The following EID3 variants were observed in gnomAD, a reference collection of about 807,000 sequenced individuals.
EID3 encodes the protein EP300-interacting inhibitor of differentiation 3.
EID3 carries 3 observed loss-of-function variants against 1.6 expected under a neutral mutation model. The observed-to-expected ratio is 1.87, with a 90% CI of 0.85 to 4.83. The LOEUF is 4.83. Ranked by LOEUF, EID3 falls within the 30% of genes most tolerant of loss-of-function variation. EID3 has a pLI of 0.02. For missense variants in EID3, 471 were observed against 409.9 expected (o/e 1.15, Z -1.29); for synonymous variants, 164 against 148.1 (o/e 1.11, Z -0.78).
rs1208196828 is a variant in EID3 at position 104,305,165 on chromosome 12, C to A, written c.*229C>A. 5 of 390,194 alleles carry A rather than the reference C, an allele frequency of 1.3e-5. No homozygotes were observed. Among genetic ancestry groups the A allele is most frequent in the African/African-American group, 8.4e-5 (4 of 47,706 alleles). 24.2% of individuals were successfully genotyped at this position (390,194 alleles called of 1,614,324 possible). A position where few individuals can be genotyped will look rare whatever the true frequency, so the allele number is the denominator to read the frequency against. The stretch of plus-strand genomic sequence containing the variant: ...ATTTATGGGAACGTTTTATTGAATG[C>A]CCTTTAAGACTATTAATAAAAACAA... On this transcript the variant is annotated 3_prime_UTR_variant, in exon 1 of 1. Transcript: ENST00000527879.
rs1393826556 is a variant in EID3 at position 104,304,494 on chromosome 12, A to C, written c.560A>C (p.Glu187Ala). 6.2e-7 allele frequency: 1 copy of C among 1,613,926 alleles called. No individual in the cohort carries two copies. Among genetic ancestry groups the C allele is most frequent in the Non-Finnish European group, 8.5e-7 (1 of 1,179,908 alleles). ...CGTTCTGCACCAAAGCCCCGACTTGAACACCAGAAAAAAGTTCGCAAGATG... is the reference window on the plus strand; with the variant it reads ...CGTTCTGCACCAAAGCCCCGACTTGCACACCAGAAAAAAGTTCGCAAGATG... ...LERSAPKPRLEHQKKVRKMEE... is the reference protein window; with the variant it reads ...LERSAPKPRLAHQKKVRKMEE... The change falls in exon 1 of 1, where the codon GAA becomes GCA. Residue 187 changes from glutamate (E) to alanine (A), a missense_variant. Physicochemically the swap from Glu to Ala is moderately radical, Grantham distance 107. Transcript: ENST00000527879.
Position 104,303,809 on chromosome 12 carries a change from C to G in EID3, c.-126C>G. 7.2e-7 allele frequency: 1 copy of G among 1,387,080 alleles called. No individual in the cohort carries two copies. The highest frequency in any genetic ancestry group is 2.6e-4 in the Middle Eastern group (1 of 3,806). 85.9% of individuals were successfully genotyped at this position (1,387,080 alleles called of 1,614,324 possible). ...TGGGAGGGCCGTTACCTCAGAGATACCCGTGGCCGGCATGTTGGTTGAAAA... is the reference window on the plus strand; with the variant it reads ...TGGGAGGGCCGTTACCTCAGAGATAGCCGTGGCCGGCATGTTGGTTGAAAA... On this transcript the variant is annotated 5_prime_UTR_variant, in exon 1 of 1. Transcript: ENST00000527879.
Position 104,304,351 on chromosome 12 carries a change from G to C in EID3, c.417G>C (p.Leu139Phe). ...GGATGGAAGGCGATCCTGACAAGTT[G>C]AGTGATTGTGATGATAGCATAGCTC... ...LNWMEGDPDK[L>F]SDCDDSIALS... is the part of the protein sequence containing the mutation. The change falls in exon 1 of 1, where the codon TTG becomes TTC. Residue 139 changes from leucine to phenylalanine, a missense_variant. By Grantham distance (22) the Leu-to-Phe change is conservative (BLOSUM62 0). Coordinates refer to ENST00000527879, the MANE Select transcript of EID3 (RefSeq NM_001008394.3). 6.2e-7 allele frequency: 1 copy of C among 1,614,052 alleles called. No homozygotes were observed. Among genetic ancestry groups the C allele is most frequent in the Non-Finnish European group, 8.5e-7 (1 of 1,179,904 alleles).
chr12:104,303,775 T>C lies in EID3; in HGVS notation c.-160T>C, dbSNP rs1670230806. On this transcript the variant is annotated 5_prime_UTR_variant, in exon 1 of 1. Transcript: ENST00000527879. ...TCCTCGGCTCTAACTGCCGCCACTT[T>C]CCACACGCTGGGAGGGCCGTTACCT... is the stretch of plus-strand genomic sequence containing the variant. 1 of 1,246,770 alleles carries C rather than the reference T, an allele frequency of 8.0e-7. No individual in the cohort carries two copies. The highest frequency in any genetic ancestry group is 1.6e-5 in the South Asian group (1 of 60,624). The allele number at this position is 1,246,770 out of a possible 1,614,324, so 77.2% of individuals were successfully genotyped here. A position where few individuals can be genotyped will look rare whatever the true frequency, so the allele number is the denominator to read the frequency against.
In EID3 at chr12:104,303,882, T is replaced by G; in HGVS notation, c.-53T>G. 1 of 1,504,716 alleles carries G rather than the reference T, an allele frequency of 6.6e-7. No homozygotes were observed. Among genetic ancestry groups the G allele is most frequent in the Non-Finnish European group, 8.8e-7 (1 of 1,134,204 alleles). The allele number at this position is 1,504,716 out of a possible 1,614,324, so 93.2% of individuals were successfully genotyped here. A position where few individuals can be genotyped will look rare whatever the true frequency, so the allele number is the denominator to read the frequency against. On this transcript the variant is annotated 5_prime_UTR_variant, in exon 1 of 1. Transcript: ENST00000527879. ...GAGAAAGGAGAGGAGCAGCTCGTGA[T>G]CATCCCCGGTAGCGAGTACGCGGCG...
chr12:104,303,751 C>A lies in EID3; in HGVS notation c.-184C>A. 4 of 1,029,906 alleles carry A rather than the reference C, an allele frequency of 3.9e-6. No individual in the cohort carries two copies. Among genetic ancestry groups the A allele is most frequent in the Non-Finnish European group, 4.0e-6 (3 of 749,240 alleles). 63.8% of individuals were successfully genotyped at this position (1,029,906 alleles called of 1,614,324 possible). On this transcript the variant is annotated 5_prime_UTR_variant, in exon 1 of 1. Transcript: ENST00000527879. ...GCCGCTAGTGCGCATGGGCGGGCGT[C>A]CTCGGCTCTAACTGCCGCCACTTTC... is the stretch of plus-strand genomic sequence containing the variant.
rs2034746356 is a variant in EID3 at position 104,303,764 on chromosome 12, T to A, written c.-171T>A. On this transcript the variant is annotated 5_prime_UTR_variant, in exon 1 of 1. Transcript: ENST00000527879. ...ATGGGCGGGCGTCCTCGGCTCTAAC[T>A]GCCGCCACTTTCCACACGCTGGGAG... The A allele has an allele frequency of 1.7e-6, 2 of 1,161,492 alleles. No individual in the cohort carries two copies. Among genetic ancestry groups the A allele is most frequent in the South Asian group, 1.7e-5 (1 of 58,844 alleles). 71.9% of individuals were successfully genotyped at this position (1,161,492 alleles called of 1,614,324 possible). A position where few individuals can be genotyped will look rare whatever the true frequency, so the allele number is the denominator to read the frequency against.
At position 104,304,632 on chromosome 12, in the gene EID3, G is replaced by T. The variant is rs770588903; in HGVS notation, c.698G>T (p.Arg233Leu). 4 of 1,613,698 alleles carry T rather than the reference G, an allele frequency of 2.5e-6. No individual in the cohort carries two copies. Among genetic ancestry groups the T allele is most frequent in the African/African-American group, 2.7e-5 (2 of 74,920 alleles). Residue 233 changes from arginine (R) to leucine (L), a missense_variant, in exon 1 of 1, where the codon CGA (arginine) becomes CTA (leucine). Physicochemically the swap from Arg to Leu is moderately radical, Grantham distance 102. Transcript: ENST00000527879. ...TTGGGATTGTTGCAAACCTACTTTCGAAAGTATCCTGATACTCCTGTGTCC... is the reference window on the plus strand; with the variant it reads ...TTGGGATTGTTGCAAACCTACTTTCTAAAGTATCCTGATACTCCTGTGTCC... ...RILGLLQTYFRKYPDTPVSYF... is the reference protein window; with the variant it reads ...RILGLLQTYFLKYPDTPVSYF...
rs769543323 is a variant in EID3, at chr12:104,304,470, G to T, written c.536G>T (p.Arg179Leu). The T allele has an allele frequency of 6.2e-7, 1 of 1,613,978 alleles. No individual in the cohort carries two copies. The highest frequency in any genetic ancestry group is 8.5e-7 in the Non-Finnish European group (1 of 1,179,896). ...GTTTTTGGTTCATTCAAGCTAGAAC[G>T]TTCTGCACCAAAGCCCCGACTTGAA... ...HFVFGSFKLE[R>L]SAPKPRLEHQ... is the part of the protein sequence containing the mutation. Residue 179 changes from arginine (R) to leucine (L), a missense_variant, in exon 1 of 1, where the codon CGT becomes CTT. By Grantham distance (102) the Arg-to-Leu change is moderately radical. Transcript: ENST00000527879.
chr12:104,304,032 A>T lies in EID3; in HGVS notation c.98A>T (p.Asp33Val). ...VDPKLLELTADEEKCRSIRRQ... is the reference protein window; with the variant it reads ...VDPKLLELTAVEEKCRSIRRQ... ...CCAAAGCTCCTGGAGCTCACCGCTG[A>T]CGAGGAGAAGTGCCGCAGCATCCGC... Residue 33 changes from aspartate to valine, a missense_variant, in exon 1 of 1, where the codon GAC becomes GTC. Physicochemically the swap from Asp to Val is radical, Grantham distance 152. Coordinates refer to ENST00000527879, the MANE Select transcript of EID3 (RefSeq NM_001008394.3). The T allele has an allele frequency of 6.2e-7, 1 of 1,613,248 alleles. No homozygotes were observed. Among genetic ancestry groups the T allele is most frequent in the Non-Finnish European group, 8.5e-7 (1 of 1,179,896 alleles).
rs745652267 is a variant in EID3, at chr12:104,304,739, G to T, written c.805G>T (p.Gly269Cys). The change falls in exon 1 of 1, where the codon GGT becomes TGT. Residue 269 changes from glycine to cysteine, a missense_variant. Gly to Cys is a radical substitution (Grantham distance 159). Coordinates refer to ENST00000527879, the MANE Select transcript of EID3 (RefSeq NM_001008394.3). The stretch of plus-strand genomic sequence containing the variant: ...TTATGTTTCTTTTATTGTAAGAGAT[G>T]GTTTTGCAAGAATAAGGCTTGATGA... ...IFYVSFIVRD[G>C]FARIRLDEDR... 1.9e-6 allele frequency: 3 copies of T among 1,613,758 alleles called. No homozygotes were observed. The highest frequency in any genetic ancestry group is 2.5e-6 in the Non-Finnish European group (3 of 1,179,812).
rs760610427 is a variant in EID3, at chr12:104,304,496, C to T, written c.562C>T (p.His188Tyr). The change falls in exon 1 of 1, where the codon CAC becomes TAC. Residue 188 changes from histidine to tyrosine, a missense_variant. His to Tyr is a moderately conservative substitution (Grantham distance 83, BLOSUM62 2). Coordinates refer to ENST00000527879, the MANE Select transcript of EID3 (RefSeq NM_001008394.3). ...TTCTGCACCAAAGCCCCGACTTGAA[C>T]ACCAGAAAAAAGTTCGCAAGATGGA... ...ERSAPKPRLE[H>Y]QKKVRKMEEN... 2.5e-6 allele frequency: 4 copies of T among 1,613,986 alleles called. No individual in the cohort carries two copies. The highest frequency in any genetic ancestry group is 2.2e-5 in the South Asian group (2 of 91,084).
In EID3 at chr12:104,304,611, G is replaced by A; in HGVS notation, c.677G>A (p.Gly226Glu). ...ATEKNVERIL[G>E]LLQTYFRKYP... ...GAAAAAAACGTAGAAAGGATTTTGG[G>A]ATTGTTGCAAACCTACTTTCGAAAG... Residue 226 changes from glycine (G) to glutamate (E), a missense_variant, in exon 1 of 1, where the codon GGA (glycine) becomes GAA (glutamate). Transcript: ENST00000527879. 6.2e-7 allele frequency: 1 copy of A among 1,613,892 alleles called. No individual in the cohort carries two copies. The highest frequency in any genetic ancestry group is 8.5e-7 in the Non-Finnish European group (1 of 1,179,792).
chr12:104,303,807 T>TA lies in EID3; in HGVS notation c.-127dup. 12 of 1,383,068 alleles carry TA rather than the reference T, an allele frequency of 8.7e-6. No homozygotes were observed. The highest frequency in any genetic ancestry group is 1.1e-5 in the Non-Finnish European group (12 of 1,052,932). The allele number at this position is 1,383,068 out of a possible 1,614,324, so 85.7% of individuals were successfully genotyped here. ...GCTGGGAGGGCCGTTACCTCAGAGATACCCGTGGCCGGCATGTTGGTTGAA... is the reference window on the plus strand; with the variant it reads ...GCTGGGAGGGCCGTTACCTCAGAGATAACCCGTGGCCGGCATGTTGGTTGAA... On this transcript the variant is annotated 5_prime_UTR_variant, in exon 1 of 1. Coordinates refer to ENST00000527879, the MANE Select transcript of EID3 (RefSeq NM_001008394.3).
Position 104,303,987 on chromosome 12 carries a change from C to G in EID3, c.53C>G (p.Ser18Cys). The G allele has an allele frequency of 6.2e-7, 1 of 1,608,514 alleles. No individual in the cohort carries two copies. The highest frequency in any genetic ancestry group is 8.5e-7 in the Non-Finnish European group (1 of 1,179,772). ...GCGGGCTGCTCCGACGACCTCAGCT[C>G]TGGGGAGGCCGACGTAGACCCAAAG... ...RAAGCSDDLS[S>C]GEADVDPKLL... The change falls in exon 1 of 1, where the codon TCT becomes TGT. Residue 18 changes from serine (S) to cysteine (C), a missense_variant. Ser to Cys is a moderately radical substitution (Grantham distance 112). Coordinates refer to ENST00000527879, the MANE Select transcript of EID3 (RefSeq NM_001008394.3).
chr12:104,304,533 A>G lies in EID3; in HGVS notation c.599A>G (p.Asn200Ser), dbSNP rs780414452. The G allele has an allele frequency of 1.7e-5, 28 of 1,613,926 alleles. No individual in the cohort carries two copies. Among genetic ancestry groups the G allele is most frequent in the East Asian group, 6.7e-5 (3 of 44,894 alleles). ...GTTCGCAAGATGGAAGAAAATGGCA[A>G]CATGCCTACAAAGTTGCAGAAGTTG... ...KKVRKMEENG[N>S]MPTKLQKLDL... is the part of the protein sequence containing the mutation. The change falls in exon 1 of 1, where the codon AAC (asparagine) becomes AGC (serine). Residue 200 changes from asparagine (N) to serine (S), a missense_variant. Physicochemically the swap from Asn to Ser is conservative, Grantham distance 46. Coordinates refer to ENST00000527879, the MANE Select transcript of EID3 (RefSeq NM_001008394.3).
chr12:104,304,052 A>G lies in EID3; in HGVS notation c.118A>G (p.Ile40Val), dbSNP rs767193061. 2 of 1,613,860 alleles carry G rather than the reference A, an allele frequency of 1.2e-6. No homozygotes were observed. The highest frequency in any genetic ancestry group is 2.2e-5 in the South Asian group (2 of 91,082). Residue 40 changes from isoleucine to valine, a missense_variant, in exon 1 of 1, where the codon ATC (isoleucine) becomes GTC (valine). Transcript: ENST00000527879. Reference sequence around the variant, plus strand: ...CGCTGACGAGGAGAAGTGCCGCAGCATCCGCAGGCAGTACCGGCAGCTCAT... The same window carrying G: ...CGCTGACGAGGAGAAGTGCCGCAGCGTCCGCAGGCAGTACCGGCAGCTCAT... ...LTADEEKCRS[I>V]RRQYRQLMYC...
Position 104,303,799 on chromosome 12 carries a change from C to G in EID3, c.-136C>G. ...TTCCACACGCTGGGAGGGCCGTTAC[C>G]TCAGAGATACCCGTGGCCGGCATGT... is the stretch of plus-strand genomic sequence containing the variant. On this transcript the variant is annotated 5_prime_UTR_variant, in exon 1 of 1. Coordinates refer to ENST00000527879, the MANE Select transcript of EID3 (RefSeq NM_001008394.3). 9 of 1,363,204 alleles carry G rather than the reference C, an allele frequency of 6.6e-6. No homozygotes were observed. Among genetic ancestry groups the G allele is most frequent in the Non-Finnish European group, 8.7e-6 (9 of 1,035,576 alleles). 84.4% of individuals were successfully genotyped at this position (1,363,204 alleles called of 1,614,324 possible).
At position 104,304,214 on chromosome 12, in the gene EID3, G is replaced by C. The variant is rs781279672; in HGVS notation, c.280G>C (p.Val94Leu). ...AGCAGCCCTCGACGCCCGGTTTCTT[G>C]TTATGGCTTCTGATTTGGGTAAAGA... ...REAALDARFL[V>L]MASDLGKEKA... is the part of the protein sequence containing the mutation. The change falls in exon 1 of 1, where the codon GTT becomes CTT. Residue 94 changes from valine (V) to leucine (L), a missense_variant. Transcript: ENST00000527879. 8 of 1,613,928 alleles carry C rather than the reference G, an allele frequency of 5.0e-6. No homozygotes were observed. The African/African-American group carries it at 9.3e-5, about 19-fold the overall frequency.
Sources: gnomAD v4.1 joint callset for allele counts on GRCh38, gnomAD v4.1.1 for gene constraint, MANE v1.5 for transcripts, NCBI Gene and HGNC (gene_info 2026-07-23, HGNC 2026-07-21) for gene names.